Variants in RRN3 observed in about 807,000 individuals in gnomAD.
RRN3 encodes the protein RNA polymerase I transcription factor RRN3.
RRN3 carries 38 observed loss-of-function variants against 82.3 expected under a neutral mutation model. The ratio of observed to expected loss-of-function variants is 0.46; its 90% CI spans 0.36 to 0.61. RRN3 has a LOEUF of 0.61. Ranked by LOEUF, RRN3 falls within the 20% of genes least tolerant of loss-of-function variation. RRN3 has a pLI of 0.00. For synonymous variants in RRN3, 284 were observed against 284.3 expected, an observed-to-expected ratio of 1.00 and a Z score of 0.01; for missense variants, 726 against 793.1, an observed-to-expected ratio of 0.92 and a Z score of 1.02.
rs1318269088 is a variant in RRN3 at position 15,086,135 on chromosome 16, C to A, written c.466G>T (p.Val156Leu). 1 of 1,602,538 alleles carries A rather than the reference C, an allele frequency of 6.2e-7. No individual in the cohort carries two copies. The highest frequency in any genetic ancestry group is 8.5e-7 in the Non-Finnish European group (1 of 1,176,116). ...ATTCCAAGCAATGACTTACGAGGCA[C>A]AAAATGGGAAGCAATCATGCTGAGA... ...PCLSMIASHF[V>L]PPRVIIKEGD... The change falls in exon 5 of 18, where the codon GTG becomes TTG. Residue 156 changes from valine to leucine, a missense_variant. Val to Leu is a conservative substitution (Grantham distance 32). Coordinates refer to ENST00000198767, the MANE Select transcript of RRN3 (RefSeq NM_018427.5).
chr16:15,064,684 T>C (rs2044880365), intron 16 of RRN3, among the ~76,000 whole-genome samples: 1 of 152,166 alleles, frequency 6.6e-6, no homozygotes, highest in Admixed American at 6.5e-5. Flanking sequence ...TGGCTCCTAG[T>C]GAGGCAAAGA....
At chr16:15,068,707 T>C (rs181883886) in intron 14 of RRN3, among the ~76,000 whole-genome samples, 231 of 152,348 alleles carry the variant, frequency 1.5e-3, no homozygotes, top group Non-Finnish European at 2.0e-3. Flanking sequence ...TGTTTTCAGG[T>C]GCACAGTAGT....
chr16:15,062,968 A>T (rs1264741322), intron 17 of RRN3, among the ~76,000 whole-genome samples: 1 of 152,164 alleles, frequency 6.6e-6, no homozygotes, highest in African/African-American at 2.4e-5. Context: ...CTCAGCTTCC[A>T]GAGGAGCTGG....
chr16:15,086,251 G>A lies in RRN3; in HGVS notation c.350C>T (p.Pro117Leu), dbSNP rs750627900. Residue 117 changes from proline to leucine, a missense_variant, in exon 5 of 18, where the codon CCT (proline) becomes CTT (leucine). Physicochemically the swap from Pro to Leu is moderately conservative, Grantham distance 98 (BLOSUM62 -3). Coordinates refer to ENST00000198767, the MANE Select transcript of RRN3 (RefSeq NM_018427.5). The stretch of plus-strand genomic sequence containing the variant: ...TACTGTTTGACTTCTATTCAACCAA[G>A]GCAATCTCTAGAGTGGGGGAAGAAA... ...EQLISIILRL[P>L]WLNRSQTVVE... 2 of 1,577,568 alleles carry A rather than the reference G, an allele frequency of 1.3e-6. No homozygotes were observed. The highest frequency in any genetic ancestry group is 1.7e-6 in the Non-Finnish European group (2 of 1,156,118).
In RRN3 at chr16:15,065,291, C is replaced by T. The variant is rs1372872668; in HGVS notation, c.1634G>A (p.Gly545Glu). The T allele has an allele frequency of 2.5e-6, 4 of 1,613,742 alleles. No individual in the cohort carries two copies. The African/African-American group carries it at 5.3e-5, about 22-fold the overall frequency. ...TGTGCAGATCTGCACTGAGTCTCCT[C>T]CAGCGGTACTCCTAATGACTGGCAG... is the stretch of plus-strand genomic sequence containing the variant. Reference protein sequence around the residue: ...QMLPVIRSTAGGDSVQICTNP... With the variant: ...QMLPVIRSTAEGDSVQICTNP... The change falls in exon 16 of 18, where the codon GGA becomes GAA. Residue 545 changes from glycine (G) to glutamate (E), a missense_variant. Gly to Glu is a moderately conservative substitution (Grantham distance 98). This residue lies in a region of RRN3 where 166 missense variants were observed against 154.8 expected (regional missense o/e 1.07). Transcript: ENST00000198767.
In RRN3 at chr16:15,060,320, G is replaced by A; in HGVS notation, c.*1424C>T. The A allele has an allele frequency of 4.6e-6, 1 of 217,714 alleles. No individual in the cohort carries two copies. The highest frequency in any genetic ancestry group is 9.5e-6 in the Non-Finnish European group (1 of 105,060). 13.5% of individuals were successfully genotyped at this position (217,714 alleles called of 1,614,324 possible). A position where few individuals can be genotyped will look rare whatever the true frequency, so the allele number is the denominator to read the frequency against. The stretch of plus-strand genomic sequence containing the variant: ...CTCAAATTACTTTCCACCAAACCCG[G>A]AAAAGAAAACCACCCATATCCAAAA... On this transcript the variant is annotated 3_prime_UTR_variant, in exon 18 of 18. Transcript: ENST00000198767.
intron 17 of RRN3, 130 bp downstream of exon 17, chr16:15,063,066 G>C: frequency 4.0e-6 from 3 of 751,078 alleles, no homozygotes; most frequent in Non-Finnish European, 7.1e-6. Context: ...CTGGTCTCCA[G>C]CAATCCTCTG....
chr16:15,070,162 G>C lies in RRN3; in HGVS notation c.1352C>G (p.Ala451Gly), dbSNP rs1203464771. ...GGCTGAGTAAAATGGTCCATGGAGAGCAACATCGCAGAATGCCTTTGTTCC... is the reference window on the plus strand; with the variant it reads ...GGCTGAGTAAAATGGTCCATGGAGACCAACATCGCAGAATGCCTTTGTTCC... Reference protein sequence around the residue: ...DSGTKAFCDVALHGPFYSACQ... With the variant: ...DSGTKAFCDVGLHGPFYSACQ... The change falls in exon 14 of 18, where the codon GCT becomes GGT. Residue 451 changes from alanine (A) to glycine (G), a missense_variant. Physicochemically the swap from Ala to Gly is moderately conservative, Grantham distance 60 (BLOSUM62 0). Coordinates refer to ENST00000198767, the MANE Select transcript of RRN3 (RefSeq NM_018427.5). The C allele has an allele frequency of 6.2e-7, 1 of 1,609,298 alleles. No individual in the cohort carries two copies. The highest frequency in any genetic ancestry group is 1.3e-5 in the African/African-American group (1 of 74,472).
rs748372425 is a variant in RRN3, at chr16:15,073,061, T to A, written c.1017A>T (p.Lys339Asn). The part of the protein sequence containing the change: ...CYVDGKVDNG[K>N]TKDLYRDLIN... ...TCAGGTCGCGATATAGATCCTTTGT[T>A]TTGCCGTTATCAACCTTACCTATGG... Residue 339 changes from lysine (K) to asparagine (N), a missense_variant, in exon 12 of 18, where the codon AAA (lysine) becomes AAT (asparagine). Physicochemically the swap from Lys to Asn is moderately conservative, Grantham distance 94 (BLOSUM62 0). Coordinates refer to ENST00000198767, the MANE Select transcript of RRN3 (RefSeq NM_018427.5). The A allele has an allele frequency of 6.2e-7, 1 of 1,611,746 alleles. No individual in the cohort carries two copies. Among genetic ancestry groups the A allele is most frequent in the East Asian group, 2.2e-5 (1 of 44,870 alleles).
chr16:15,093,839 C>G (rs963598498), intron 1 of RRN3: 9 of 427,092 alleles, frequency 2.1e-5, no homozygotes, highest in African/African-American at 1.9e-4. Flanking sequence ...CAAATTTGGA[C>G]GAAGAAGAGG....
At chr16:15,092,022 T>TA (rs1328442960) in intron 2 of RRN3, among the ~76,000 whole-genome samples, 1 of 149,728 alleles carries the variant, frequency 6.7e-6, no homozygotes, top group African/African-American at 2.4e-5. Flanking sequence ...ACTAAAAAAA[T>TA]AAAAAAATTA....
At position 15,089,915 on chromosome 16, in the gene RRN3, T is replaced by C. The variant is rs534344367; in HGVS notation, c.252+1400A>G. Among the ~76,000 whole-genome samples the C allele has an allele frequency of 2.7e-5, 4 of 149,398 alleles. No individual in the cohort carries two copies. The South Asian group carries it at 8.5e-4, about 32-fold the overall frequency. On this transcript the variant is annotated intron_variant, in intron 3 of 17. Transcript: ENST00000198767. The stretch of plus-strand genomic sequence containing the variant: ...ACAAGGAATACAAGGCTTAAAAAAG[T>C]AAGTCCACTGAGGCTGGGCTCAGTG...
At position 15,083,733 on chromosome 16, in the gene RRN3, T is replaced by C. The variant is rs1381523931; in HGVS notation, c.597-151A>G. 6.4e-6 allele frequency: 7 copies of C among 1,099,544 alleles called. No homozygotes were observed. In the African/African-American group the frequency reaches 1.1e-4, roughly 18 times the overall value. 68.1% of individuals were successfully genotyped at this position (1,099,544 alleles called of 1,614,324 possible). A position where few individuals can be genotyped will look rare whatever the true frequency, so the allele number is the denominator to read the frequency against. On this transcript the variant is annotated intron_variant, in intron 7 of 17. Coordinates refer to ENST00000198767, the MANE Select transcript of RRN3 (RefSeq NM_018427.5). The stretch of plus-strand genomic sequence containing the variant: ...AAGAACTGGAACTTTTTTTGTTTTT[T>C]GAGACGGAGTTTCGCTCTTGTTGCC...
intron 15 of RRN3, among the ~76,000 whole-genome samples, chr16:15,066,174 C>T (rs1376296557): frequency 3.9e-5 from 6 of 152,156 alleles, no homozygotes; most frequent in Non-Finnish European, 5.9e-5. Flanking sequence ...CTTGACCCCT[C>T]CTCCTGGTGG....
Position 15,063,203 on chromosome 16 carries a change from A to T in RRN3, c.1787T>A (p.Met596Lys), listed in dbSNP as rs748730343. ...AEELQEFKKP[M>K]KKDIVEDEDD... Reference sequence around the variant, plus strand: ...AATCAATCACAAACTGACCTTTTTCATGGGTTTCTTGAACTCCTGTAGCTC... The same window carrying T: ...AATCAATCACAAACTGACCTTTTTCTTGGGTTTCTTGAACTCCTGTAGCTC... Residue 596 changes from methionine to lysine, a missense_variant, in exon 17 of 18, where the codon ATG (methionine) becomes AAG (lysine). By Grantham distance (95) the Met-to-Lys change is moderately conservative. Around this residue, in one of 4 missense-constraint regions of RRN3, gnomAD observed 166 missense variants for 154.8 expected, o/e 1.07. Transcript: ENST00000198767. 3 of 1,605,194 alleles carry T rather than the reference A, an allele frequency of 1.9e-6. No homozygotes were observed. The highest frequency in any genetic ancestry group is 1.7e-6 in the Non-Finnish European group (2 of 1,171,872).
chr16:15,077,749 G>A (rs2045523968), intron 9 of RRN3, among the ~76,000 whole-genome samples: 1 of 152,224 alleles, frequency 6.6e-6, no homozygotes, highest in Non-Finnish European at 1.5e-5. Context: ...GCTGAGGCAG[G>A]AGAACTGCTT....
At chr16:15,064,468 C>T (rs1403389241) in intron 16 of RRN3, among the ~76,000 whole-genome samples, 3 of 152,126 alleles carry the variant, frequency 2.0e-5, no homozygotes, top group Admixed American at 6.5e-5. Flanking sequence ...AGCCATTACG[C>T]CCAGCCAATC....
intron 2 of RRN3, among the ~76,000 whole-genome samples, chr16:15,092,155 G>A (rs1023832894): frequency 1.3e-5 from 2 of 152,200 alleles, no homozygotes; most frequent in South Asian, 2.1e-4. Flanking sequence ...CTCCAGCCTG[G>A]GTGACAGAGG....
chr16:15,089,054 G>A (rs1004903623), intron 3 of RRN3, among the ~76,000 whole-genome samples: 1 of 152,148 alleles, frequency 6.6e-6, no homozygotes, highest in African/African-American at 2.4e-5. Flanking sequence ...TATAATCCCA[G>A]CACTTTGGGA....
Sources: gnomAD v4.1 joint callset for allele counts (sites outside exome capture counted in the v4.1 genomes callset) on GRCh38, gnomAD v4.1.1 for gene constraint, gnomAD v4.1.1 regional missense constraint, MANE v1.5 for transcripts, NCBI Gene and HGNC (gene_info 2026-07-23, HGNC 2026-07-21) for gene names.